Variants in ZFPM2 observed in about 807,000 individuals in gnomAD.
ZFPM2 encodes the protein zinc finger protein, FOG family member 2.
In ZFPM2, 20 loss-of-function variants were observed where a neutral mutation model predicts 98.6. The ratio of observed to expected loss-of-function variants is 0.20; its 90% CI spans 0.14 to 0.29. The LOEUF is 0.29. Ranked by LOEUF, ZFPM2 falls within the 10% of genes least tolerant of loss-of-function variation. ZFPM2 has a pLI of 1.00. For missense variants in ZFPM2, 1,310 were observed against 1,388.6 expected (o/e 0.94, Z 0.90); for synonymous variants, 518 against 502.7 (o/e 1.03, Z -0.41).
intron 3 of ZFPM2, among the ~76,000 whole-genome samples, chr8:105,462,866 C>A (rs866498811): frequency 6.6e-6 from 1 of 151,972 alleles, no homozygotes; most frequent in Non-Finnish European, 1.5e-5. Context: ...AAATAAAAGT[C>A]GTTTATTCGA....
intron 1 of ZFPM2, among the ~76,000 whole-genome samples, chr8:105,385,095 GT>G (rs1810957369): frequency 6.6e-6 from 1 of 152,170 alleles, no homozygotes; most frequent in Non-Finnish European, 1.5e-5. Context: ...TAGGCAGTCT[GT>G]AGCAGACTAT....
At chr8:105,688,242 T>G (rs1810789803) in intron 5 of ZFPM2, among the ~76,000 whole-genome samples, 1 of 152,090 alleles carries the variant, frequency 6.6e-6, no homozygotes, top group Non-Finnish European at 1.5e-5. Context: ...GCTCAGGAGT[T>G]CTGATGATCT....
At chr8:105,573,192 A>G (rs539905422) in intron 4 of ZFPM2, among the ~76,000 whole-genome samples, 2 of 152,246 alleles carry the variant, frequency 1.3e-5, no homozygotes, top group African/African-American at 4.8e-5. Context: ...GGCAGCTGGC[A>G]TCCCTCTGAG....
At chr8:105,723,050 A>G (rs1465293843) in intron 5 of ZFPM2, among the ~76,000 whole-genome samples, 2 of 151,840 alleles carry the variant, frequency 1.3e-5, no homozygotes, top group Non-Finnish European at 2.9e-5. Flanking sequence ...ATTGGCTCAG[A>G]AACACTGATC....
At chr8:105,453,881 T>G (rs1812534948) in intron 3 of ZFPM2, among the ~76,000 whole-genome samples, 1 of 152,110 alleles carries the variant, frequency 6.6e-6, no homozygotes, top group African/African-American at 2.4e-5. Context: ...CGCCTCAGCC[T>G]CCCAAAGTGT....
rs574924246 is a variant in ZFPM2, at chr8:105,582,641, C to T, written c.420+21160C>T. Among the ~76,000 whole-genome samples, 5 of 152,180 alleles carry T rather than the reference C, an allele frequency of 3.3e-5. No individual in the cohort carries two copies. The East Asian group carries it at 7.7e-4, about 24-fold the overall frequency. On this transcript the variant is annotated intron_variant, in intron 4 of 7. Coordinates refer to ENST00000407775, the MANE Select transcript of ZFPM2 (RefSeq NM_012082.4). ...ACAGGGTCTCACTCTGTGCCCAGGC[C>T]AGAGTGCAGCAGCGCAATCTCCACT...
At chr8:105,627,261 T>A (rs2130827599) in intron 4 of ZFPM2, among the ~76,000 whole-genome samples, 1 of 152,304 alleles carries the variant, frequency 6.6e-6, no homozygotes, top group South Asian at 2.1e-4. Flanking sequence ...TAGATGATTT[T>A]AATTATTCCT....
chr8:105,732,063 T>G (rs1333959580), intron 5 of ZFPM2, among the ~76,000 whole-genome samples: 1 of 151,736 alleles, frequency 6.6e-6, no homozygotes, highest in Non-Finnish European at 1.5e-5. Flanking sequence ...TTTAGTTCCT[T>G]TCCCAAAGTT....
Position 105,387,825 on chromosome 8 carries a change from G to C in ZFPM2, c.41-31319G>C, listed in dbSNP as rs139148642. 3 of 152,552 alleles carry C rather than the reference G, an allele frequency of 2.0e-5. No homozygotes were observed. In the South Asian group the frequency reaches 6.2e-4, roughly 32 times the overall value. The allele number at this position is 152,552 out of a possible 1,614,324, so 9.4% of individuals were successfully genotyped here. A position where few individuals can be genotyped will look rare whatever the true frequency, so the allele number is the denominator to read the frequency against. Reference sequence around the variant, plus strand: ...GGACTCGAGAACGAGCAAGGGCTGCGAGCGCTGCCAGCACGCTGTCACCTC... The same window carrying C: ...GGACTCGAGAACGAGCAAGGGCTGCCAGCGCTGCCAGCACGCTGTCACCTC... On this transcript the variant is annotated intron_variant, in intron 1 of 7. Transcript: ENST00000407775.
intron 3 of ZFPM2, among the ~76,000 whole-genome samples, chr8:105,534,576 T>C (rs945116873): frequency 6.6e-6 from 1 of 151,904 alleles, no homozygotes; most frequent in African/African-American, 2.4e-5. Flanking sequence ...AGGGAAAGCT[T>C]AAAAAGCTTA....
chr8:105,677,266 A>G (rs1182366135), intron 5 of ZFPM2, among the ~76,000 whole-genome samples: 5 of 151,630 alleles, frequency 3.3e-5, no homozygotes, highest in Non-Finnish European at 7.4e-5. Context: ...AACACTGCTT[A>G]CTATGGACAA....
intron 2 of ZFPM2, among the ~76,000 whole-genome samples, chr8:105,439,246 C>T (rs1261663411): frequency 1.3e-5 from 2 of 152,096 alleles, no homozygotes; most frequent in East Asian, 3.9e-4. Context: ...GTTATCTGGG[C>T]ACCTGGCTAT....
At chr8:105,546,424 A>G (rs58798078) in intron 3 of ZFPM2, among the ~76,000 whole-genome samples, 1 of 151,358 alleles carries the variant, frequency 6.6e-6, no homozygotes, top group Non-Finnish European at 1.5e-5. Flanking sequence ...ACAAAATTAG[A>G]CGGGCGTGGT....
chr8:105,730,776 CTTTTTTTT>C (rs201573898), intron 5 of ZFPM2, among the ~76,000 whole-genome samples: 116 of 124,358 alleles, frequency 9.3e-4, no homozygotes, highest in Admixed American at 1.9e-3. Context: ...TTTCTTTTTT[CTTTTTTTT>C]TTTTTTTTTT....
intron 3 of ZFPM2, among the ~76,000 whole-genome samples, chr8:105,560,067 C>T (rs1248729688): frequency 2.0e-5 from 3 of 151,248 alleles, no homozygotes; most frequent in Non-Finnish European, 2.9e-5. Flanking sequence ...TTAGCCGGAC[C>T]TGATGGCGCT....
Position 105,375,713 on chromosome 8 carries a change from G to A in ZFPM2, c.41-43431G>A, listed in dbSNP as rs114574876. On this transcript the variant is annotated intron_variant, in intron 1 of 7. Coordinates refer to ENST00000407775, the MANE Select transcript of ZFPM2 (RefSeq NM_012082.4). ...CTATTTTCTTATATCATTTATCAGT[G>A]TCTTTAATGTAGACAAAAGTACAAA... Among the ~76,000 whole-genome samples the A allele has an allele frequency of 3.4e-3, 511 of 152,194 alleles. 4 individuals carry two copies. The highest frequency in any genetic ancestry group is 0.012 in the African/African-American group (487 of 41,524).
chr8:105,732,195 A>G (rs981172828), intron 5 of ZFPM2, among the ~76,000 whole-genome samples: 8 of 151,948 alleles, frequency 5.3e-5, no homozygotes, highest in African/African-American at 1.9e-4. Context: ...TCCTATGCAT[A>G]CGTTATCACT....
At chr8:105,558,436 C>T (rs1319504218) in intron 3 of ZFPM2, among the ~76,000 whole-genome samples, 3 of 152,096 alleles carry the variant, frequency 2.0e-5, no homozygotes, top group East Asian at 1.9e-4. Context: ...ATATTTTGAA[C>T]AGTTACTGGA....
intron 5 of ZFPM2, among the ~76,000 whole-genome samples, chr8:105,685,458 G>C (rs1022143796): frequency 6.6e-6 from 1 of 151,950 alleles, no homozygotes; most frequent in Admixed American, 6.6e-5. Context: ...TCTATAGTCT[G>C]CTTACCTACG....
Sources: allele counts gnomAD v4.1 joint callset (sites outside exome capture counted in the v4.1 genomes callset), GRCh38; gene constraint gnomAD v4.1.1; transcripts MANE v1.5; gene names NCBI Gene and HGNC (gene_info 2026-07-23, HGNC 2026-07-21).